Variants in TMF1 observed in about 807,000 individuals in gnomAD.
The protein encoded by TMF1 is TATA element modulatory factor 1.
A neutral mutation model predicts 126.5 loss-of-function variants in TMF1; 71 were observed. That is an observed-to-expected ratio of 0.56 (90% confidence interval 0.46 to 0.68). The LOEUF is 0.68. Among genes scored for constraint, TMF1 ranks in the 30% least tolerant of loss-of-function variants. The pLI is 0.00. For missense variants in TMF1, 1,259 were observed against 1,253.2 expected (o/e 1.00, Z -0.07); for synonymous variants, 461 against 430.5 (o/e 1.07, Z -0.88).
At chr3:69,024,691 A>G (rs1575806805) in intron 15 of TMF1, 1 of 152,164 alleles carries the variant, frequency 6.6e-6, no homozygotes, top group Admixed American at 6.5e-5. Flanking sequence ...TCATATAACT[A>G]AAAGTATATA....
intron 15 of TMF1, among the ~76,000 whole-genome samples, chr3:69,024,572 C>G (rs2091756547): frequency 6.6e-6 from 1 of 152,054 alleles, no homozygotes; most frequent in African/African-American, 2.4e-5. Flanking sequence ...AGGCTTTCAT[C>G]ACTACCAAAG....
Position 69,022,199 on chromosome 3 carries a change from A to C in TMF1, c.*978T>G, listed in dbSNP as rs1575805524. 6.5e-6 allele frequency: 1 copy of C among 152,676 alleles called. No individual in the cohort carries two copies. Among genetic ancestry groups the C allele is most frequent in the South Asian group, 2.1e-4 (1 of 4,832 alleles). 9.5% of individuals were successfully genotyped at this position (152,676 alleles called of 1,614,324 possible). A position where few individuals can be genotyped will look rare whatever the true frequency, so the allele number is the denominator to read the frequency against. Reference sequence around the variant, plus strand: ...AAAATGATAAATCACAAAATTAAAAATGCCAAATTCAAGTTAATTCCTATA... The same window carrying C: ...AAAATGATAAATCACAAAATTAAAACTGCCAAATTCAAGTTAATTCCTATA... On this transcript the variant is annotated 3_prime_UTR_variant, in exon 17 of 17. Coordinates refer to ENST00000398559, the MANE Select transcript of TMF1 (RefSeq NM_007114.3).
intron 6 of TMF1, 136 bp from the exon 7 acceptor site, chr3:69,039,145 G>A (rs1228387906): frequency 1.2e-6 from 1 of 856,768 alleles, no homozygotes; most frequent in Non-Finnish European, 1.7e-6. Flanking sequence ...TGCCCAGGGT[G>A]GAATGTTCTG....
At chr3:69,047,106 A>C (rs574821078) in intron 2 of TMF1, among the ~76,000 whole-genome samples, 12 of 152,328 alleles carry the variant, frequency 7.9e-5, no homozygotes, top group Admixed American at 3.9e-4. Context: ...AAAAATAAAG[A>C]TGTAAGATGA....
intron 10 of TMF1, 34 bp from the exon 11 acceptor site, chr3:69,030,041 C>T (rs2091791096): frequency 1.9e-6 from 3 of 1,566,724 alleles, no homozygotes; most frequent in East Asian, 2.2e-5. Context: ...ATCACATACA[C>T]ATACAGCCCA....
intron 12 of TMF1, 54 bp from the exon 13 acceptor site, chr3:69,028,046 A>G (rs9855731): frequency 0.17 from 201,348 of 1,216,048 alleles, 18,142 homozygotes; most frequent in African/African-American, 0.25. Context: ...TCATGCCATG[A>G]TAAGTCAATC....
At chr3:69,046,611 A>T (rs773835562) in intron 2 of TMF1, among the ~76,000 whole-genome samples, 5 of 152,242 alleles carry the variant, frequency 3.3e-5, no homozygotes, top group Admixed American at 1.3e-4. Context: ...ACCAGATCCA[A>T]CTAAATTTGT....
Position 69,047,611 on chromosome 3 carries a change from G to A in TMF1, c.1094C>T (p.Pro365Leu), listed in dbSNP as rs1254699627. The change falls in exon 2 of 17, where the codon CCA becomes CTA. Residue 365 changes from proline (P) to leucine (L), a missense_variant. Pro to Leu is a moderately conservative substitution (Grantham distance 98). Transcript: ENST00000398559. ...LVPIIVNSST[P>L]KSKTVESAEG... ...AGCAGATTCAACTGTTTTAGACTTT[G>A]GAGTTGAAGAATTAACTATAATAGG... 3.1e-6 allele frequency: 5 copies of A among 1,613,882 alleles called. No homozygotes were observed. The highest frequency in any genetic ancestry group is 4.2e-6 in the Non-Finnish European group (5 of 1,180,014).
chr3:69,024,798 A>ATTT (rs1491439374), intron 15 of TMF1: 2 of 87,356 alleles, frequency 2.3e-5, no homozygotes, highest in Non-Finnish European at 4.6e-5. Context: ...AATGTTTCAA[A>ATTT]TTTCTTTTTT....
chr3:69,022,968 GA>G lies in TMF1; in HGVS notation c.*208del. The G allele has an allele frequency of 7.0e-6, 3 of 426,346 alleles. No individual in the cohort carries two copies. The highest frequency in any genetic ancestry group is 1.2e-5 in the Non-Finnish European group (3 of 244,154). The allele number at this position is 426,346 out of a possible 1,614,324, so 26.4% of individuals were successfully genotyped here. A position where few individuals can be genotyped will look rare whatever the true frequency, so the allele number is the denominator to read the frequency against. The stretch of plus-strand genomic sequence containing the variant: ...ATGCTTTAAAAAATAAATCTTTAAA[GA>G]ATAGTTTCAAAAATAAAGTTCAAAT... On this transcript the variant is annotated 3_prime_UTR_variant, in exon 17 of 17. Coordinates refer to ENST00000398559, the MANE Select transcript of TMF1 (RefSeq NM_007114.3).
Position 69,029,908 on chromosome 3 carries a change from T to C in TMF1, c.2501A>G (p.Gln834Arg). 1 of 1,614,188 alleles carries C rather than the reference T, an allele frequency of 6.2e-7. No individual in the cohort carries two copies. The highest frequency in any genetic ancestry group is 8.5e-7 in the Non-Finnish European group (1 of 1,180,002). The change falls in exon 11 of 17, where the codon CAG becomes CGG. Residue 834 changes from glutamine to arginine, a missense_variant. Physicochemically the swap from Gln to Arg is conservative, Grantham distance 43 (BLOSUM62 1). Coordinates refer to ENST00000398559, the MANE Select transcript of TMF1 (RefSeq NM_007114.3). ...GTTTTCCTGTCTTAAAAGAGAATTC[T>C]GTGACTCCATGGAAGACATCTGAAT... ...NKIQMSSMESQNSLLRQENSR... is the reference protein window; with the variant it reads ...NKIQMSSMESRNSLLRQENSR...
At position 69,047,880 on chromosome 3, in the gene TMF1, C is replaced by T. The variant is rs34206158; in HGVS notation, c.825G>A (p.Ser275=). Residue 275 remains serine (S), a synonymous_variant, in exon 2 of 17, where the codon TCG becomes TCA. Coordinates refer to ENST00000398559, the MANE Select transcript of TMF1 (RefSeq NM_007114.3). ...ESVISESSAS[S]RQETTDSKSS... ...ATTTTGAATCTGTAGTCTCTTGTCT[C>T]GAGCTCGCTGAGCTCTCACTTATTA... The T allele has an allele frequency of 3.7e-6, 6 of 1,613,924 alleles. No individual in the cohort carries two copies. The highest frequency in any genetic ancestry group is 2.7e-5 in the African/African-American group (2 of 75,038).
intron 8 of TMF1, among the ~76,000 whole-genome samples, chr3:69,036,543 G>C (rs1646415870): frequency 2.6e-5 from 4 of 152,154 alleles, no homozygotes; most frequent in Admixed American, 2.6e-4. Flanking sequence ...ATATTTTCTT[G>C]CATTTTGCCA....
At position 69,029,768 on chromosome 3, in the gene TMF1, AG is replaced by A. The variant is rs1559629918; in HGVS notation, c.2594+46del. 5 of 1,528,428 alleles carry A rather than the reference AG, an allele frequency of 3.3e-6. No individual in the cohort carries two copies. In the South Asian group the frequency reaches 6.2e-5, roughly 19 times the overall value. The allele number at this position is 1,528,428 out of a possible 1,614,324, so 94.7% of individuals were successfully genotyped here. On this transcript the variant is annotated intron_variant, in intron 11 of 16. Coordinates refer to ENST00000398559, the MANE Select transcript of TMF1 (RefSeq NM_007114.3). ...ACAACATACTTTTAAAAAGTGCTTT[AG>A]GATGTCACGGAACTACCAAAAATAT...
chr3:69,047,690 C>T lies in TMF1; in HGVS notation c.1015G>A (p.Val339Ile), dbSNP rs765880426. The change falls in exon 2 of 17, where the codon GTA becomes ATA. Residue 339 changes from valine to isoleucine, a missense_variant. Physicochemically the swap from Val to Ile is conservative, Grantham distance 29 (BLOSUM62 3). Transcript: ENST00000398559. ...TCATCATCTGAATTGATTTCACTTA[C>T]ACTCCGGCTATCTAATGACTGTACA... ...FSVQSLDSRS[V>I]SEINSDDELS... 5.0e-6 allele frequency: 8 copies of T among 1,614,118 alleles called. No individual in the cohort carries two copies. Among genetic ancestry groups the T allele is most frequent in the East Asian group, 4.5e-5 (2 of 44,876 alleles).
chr3:69,033,853 C>T (rs560115582), intron 9 of TMF1, 149 bp from the exon 10 acceptor site: 74 of 729,490 alleles, frequency 1.0e-4, no homozygotes, highest in Non-Finnish European at 1.3e-4. Flanking sequence ...ATTTTAGAAA[C>T]GGGGTCCCGC....
chr3:69,048,721 T>G (rs932229421), intron 1 of TMF1, 159 bp from the exon 2 acceptor site: 2 of 659,164 alleles, frequency 3.0e-6, no homozygotes, highest in Admixed American at 7.2e-5. Context: ...CATCATTAAG[T>G]AGTTTCCAAG....
chr3:69,039,827 C>A (rs2091853649), intron 5 of TMF1, 134 bp from the exon 6 acceptor site: 1 of 918,944 alleles, frequency 1.1e-6, no homozygotes. Context: ...AATGTTACAA[C>A]TAATTTGGAC....
At chr3:69,036,772 C>T (rs574188591) in intron 8 of TMF1, among the ~76,000 whole-genome samples, 1 of 152,302 alleles carries the variant, frequency 6.6e-6, no homozygotes. Context: ...CCTGCAACAA[C>T]TGGATATCCA....
Sources: gnomAD v4.1 joint callset for allele counts (sites outside exome capture counted in the v4.1 genomes callset) on GRCh38, gnomAD v4.1.1 for gene constraint, MANE v1.5 for transcripts, NCBI Gene and HGNC (gene_info 2026-07-23, HGNC 2026-07-21) for gene names.